THRB: variants seen among roughly 807,000 people sequenced by gnomAD.
THRB encodes thyroid hormone receptor beta, also known as nuclear receptor subfamily 1 group A member 2.
Under a neutral mutation model 47.8 loss-of-function variants are expected in THRB, and 12 were observed. The observed-to-expected ratio is 0.25, with a 90% CI of 0.16 to 0.41. The LOEUF is 0.41. THRB is among the 10% of genes least tolerant of loss of function. THRB has a pLI of 1.00. For missense variants in THRB, 348 were observed against 589.2 expected, an observed-to-expected ratio of 0.59 and a Z score of 4.24; for synonymous variants, 218 against 212.2, an observed-to-expected ratio of 1.03 and a Z score of -0.24.
chr3:24,335,282 G>A (rs986165720), intron 2 of THRB, among the ~76,000 whole-genome samples: 5 of 152,126 alleles, frequency 3.3e-5, no homozygotes, highest in Admixed American at 6.5e-5. Context: ...TCTTAGCCAC[G>A]TTACAGGTTT....
intron 1 of THRB, among the ~76,000 whole-genome samples, chr3:24,357,356 A>AC (rs200375729): frequency 0.019 from 2,798 of 145,840 alleles, 123 homozygotes; most frequent in African/African-American, 0.037. Flanking sequence ...CAAAAAAAAA[A>AC]AAAAAAAAAA....
chr3:24,240,270 G>C (rs533485821), intron 3 of THRB, among the ~76,000 whole-genome samples: 1 of 152,340 alleles, frequency 6.6e-6, no homozygotes, highest in African/African-American at 2.4e-5. Context: ...ATGAGAAAGA[G>C]ACACAGAGTG....
chr3:24,117,402 G>A lies in THRB; in HGVS notation c.*5482C>T, dbSNP rs2030862972. On this transcript the variant is annotated 3_prime_UTR_variant, in exon 11 of 11. Coordinates refer to ENST00000646209, the MANE Select transcript of THRB (RefSeq NM_001354712.2). ...GTCCATAGTTTAGATGAAGCTGACT[G>A]TCCCTCTTTCCCCTCACCCAGTTCC... 1 of 152,218 alleles carries A rather than the reference G, an allele frequency of 6.6e-6. No individual in the cohort carries two copies. Among genetic ancestry groups the A allele is most frequent in the Non-Finnish European group, 1.5e-5 (1 of 68,072 alleles). 9.4% of individuals were successfully genotyped at this position (152,218 alleles called of 1,614,324 possible). A position where few individuals can be genotyped will look rare whatever the true frequency, so the allele number is the denominator to read the frequency against.
intron 5 of THRB, among the ~76,000 whole-genome samples, chr3:24,170,937 T>A (rs2040351890): frequency 6.6e-6 from 1 of 152,222 alleles, no homozygotes; most frequent in Admixed American, 6.5e-5. Context: ...GAGATATCTG[T>A]CTGTCTAAAA....
chr3:24,216,462 G>A (rs1477053405), intron 4 of THRB, among the ~76,000 whole-genome samples: 1 of 152,152 alleles, frequency 6.6e-6, no homozygotes, highest in Admixed American at 6.6e-5. Flanking sequence ...CAAAAAATTA[G>A]CCGGGCGTGG....
chr3:24,267,553 C>T (rs1469752736), intron 3 of THRB, among the ~76,000 whole-genome samples: 2 of 152,246 alleles, frequency 1.3e-5, no homozygotes, highest in East Asian at 1.9e-4. Context: ...AGCAAAGAAC[C>T]CTGCTAAGTC....
At chr3:24,356,581 G>A (rs748251259) in intron 1 of THRB, among the ~76,000 whole-genome samples, 5 of 152,018 alleles carry the variant, frequency 3.3e-5, no homozygotes, top group Non-Finnish European at 7.4e-5. Flanking sequence ...GCTTTGCTAA[G>A]ACCCCACTAG....
At chr3:24,240,985 G>A (rs1161888230) in intron 3 of THRB, among the ~76,000 whole-genome samples, 2 of 152,048 alleles carry the variant, frequency 1.3e-5, no homozygotes, top group Admixed American at 6.6e-5. Flanking sequence ...TCCAGTGAAC[G>A]GCAGCTTACT....
intron 3 of THRB, among the ~76,000 whole-genome samples, chr3:24,276,041 C>CTTT (rs1272650929): frequency 7.0e-6 from 1 of 143,822 alleles, no homozygotes; most frequent in Middle Eastern, 3.7e-3. Flanking sequence ...CAGTCTTCTA[C>CTTT]TTTTTTTTTT....
intron 7 of THRB, chr3:24,144,727 T>G (rs2035879358): frequency 6.6e-6 from 1 of 152,186 alleles, no homozygotes; most frequent in Non-Finnish European, 1.5e-5. Flanking sequence ...AGACGTCATC[T>G]AGTCCTACTC....
chr3:24,126,254 G>T (rs1220557521), intron 10 of THRB, among the ~76,000 whole-genome samples: 2 of 152,050 alleles, frequency 1.3e-5, no homozygotes, highest in Non-Finnish European at 2.9e-5. Flanking sequence ...AAATTAGCCA[G>T]GGGTGGTGGC....
At chr3:24,261,155 C>T (rs186219371) in intron 3 of THRB, among the ~76,000 whole-genome samples, 119 of 152,280 alleles carry the variant, frequency 7.8e-4, no homozygotes, top group African/African-American at 2.8e-3. Context: ...CTTGGCCCTT[C>T]TTTACTTGGC....
At chr3:24,126,535 G>C (rs1159607963) in intron 10 of THRB, among the ~76,000 whole-genome samples, 1 of 152,202 alleles carries the variant, frequency 6.6e-6, no homozygotes, top group Non-Finnish European at 1.5e-5. Context: ...CCTAGGTGCT[G>C]GATGTACAGT....
chr3:24,323,579 CA>C (rs2058626838), intron 2 of THRB, among the ~76,000 whole-genome samples: 1 of 152,224 alleles, frequency 6.6e-6, no homozygotes, highest in East Asian at 1.9e-4. Context: ...CTTCTAGCCA[CA>C]AACCATGCTT....
intron 1 of THRB, among the ~76,000 whole-genome samples, chr3:24,412,678 T>A (rs1440264521): frequency 6.6e-6 from 1 of 151,804 alleles, no homozygotes; most frequent in Non-Finnish European, 1.5e-5. Context: ...AAAGGGATAT[T>A]TACATTTGTC....
At chr3:24,266,909 G>A (rs557117868) in intron 3 of THRB, among the ~76,000 whole-genome samples, 2 of 152,048 alleles carry the variant, frequency 1.3e-5, no homozygotes, top group South Asian at 4.2e-4. Context: ...GACAGGACGA[G>A]GAAGGAAGAG....
At chr3:24,269,442 C>CACACAGATACAT (rs58200122) in intron 3 of THRB, among the ~76,000 whole-genome samples, 1 of 141,044 alleles carries the variant, frequency 7.1e-6, no homozygotes, top group African/African-American at 2.7e-5. Context: ...CACACACACA[C>CACACAGATACAT]TTAAGTTATC....
intron 9 of THRB, among the ~76,000 whole-genome samples, chr3:24,132,197 C>G (rs766772725): frequency 4.1e-4 from 62 of 152,164 alleles, no homozygotes; most frequent in Non-Finnish European, 4.1e-4. Context: ...GATCACTTAT[C>G]ACTCAGCCTG....
chr3:24,185,949 G>A (rs1247397460), intron 5 of THRB, among the ~76,000 whole-genome samples: 1 of 152,190 alleles, frequency 6.6e-6, no homozygotes. Flanking sequence ...TCTGTTATTA[G>A]GCAGTGACTA....
Sources: allele counts gnomAD v4.1 joint callset (sites outside exome capture counted in the v4.1 genomes callset), GRCh38; gene constraint gnomAD v4.1.1; transcripts MANE v1.5; gene names NCBI Gene and HGNC (gene_info 2026-07-23, HGNC 2026-07-21).